Variants in SLC35D1 observed in about 807,000 individuals in gnomAD.
SLC35D1 encodes the protein nucleotide sugar transporter SLC35D1.
A neutral mutation model predicts 46.7 loss-of-function variants in SLC35D1; 31 were observed. The ratio of observed to expected loss-of-function variants is 0.66; its 90% CI spans 0.50 to 0.90. The LOEUF (loss-of-function observed/expected upper bound fraction) is 0.90. Ranked by LOEUF, SLC35D1 falls within the 40% of genes least tolerant of loss-of-function variation. The pLI, the probability that SLC35D1 is intolerant of heterozygous loss-of-function variation, is 0.00. For synonymous variants in SLC35D1, 195 were observed against 164.6 expected (o/e 1.18, Z -1.41); for missense variants, 397 against 426.2 (o/e 0.93, Z 0.60).
the SLC35D1 span, chr1:66,987,512 T>TA: frequency 6.5e-6 from 1 of 152,718 alleles, no homozygotes; most frequent in African/African-American, 2.4e-5. Flanking sequence ...TGTTGAGCTT[T>TA]AAAATGTATT....
At chr1:67,043,551 AAAAC>A (rs2102350191) in intron 7 of SLC35D1, among the ~76,000 whole-genome samples, 1 of 152,260 alleles carries the variant, frequency 6.6e-6, no homozygotes, top group East Asian at 1.9e-4. Context: ...GCTCAAAAAC[AAAAC>A]AAACAAAAAG....
chr1:66,989,840 C>G, the SLC35D1 span, among the ~76,000 whole-genome samples: 1 of 152,208 alleles, frequency 6.6e-6, no homozygotes, highest in East Asian at 1.9e-4. Flanking sequence ...AGGTAGAGAA[C>G]TGCATCAGAA....
At chr1:67,029,728 C>A (rs895712108) in intron 8 of SLC35D1, among the ~76,000 whole-genome samples, 13 of 152,188 alleles carry the variant, frequency 8.5e-5, no homozygotes, top group African/African-American at 3.1e-4. Flanking sequence ...CCTGCTTGTA[C>A]ATGCTACTAA....
the SLC35D1 span, among the ~76,000 whole-genome samples, chr1:66,975,657 T>A: frequency 1.3e-5 from 2 of 152,182 alleles, no homozygotes; most frequent in Admixed American, 1.3e-4. Context: ...CAAAAAGGAA[T>A]TCTGTCAGCA....
chr1:66,991,794 C>CTT, the SLC35D1 span, among the ~76,000 whole-genome samples: 9,458 of 149,208 alleles, frequency 0.063, 933 homozygotes, highest in African/African-American at 0.22. Context: ...ATATTTACAG[C>CTT]TTTTTTTTTT....
downstream of SLC35D1, among the ~76,000 whole-genome samples, chr1:66,995,433 T>TAAAAAAA (rs541234514): frequency 1.7e-4 from 6 of 35,806 alleles, no homozygotes; most frequent in Admixed American, 4.8e-4. Flanking sequence ...CCTGCTACGC[T>TAAAAAAA]AAAAAAAAAA....
chr1:66,985,912 A>G, the SLC35D1 span: 1 of 975,668 alleles, frequency 1.0e-6, no homozygotes, highest in African/African-American at 1.8e-5. Flanking sequence ...TTTGTTTTGC[A>G]TTTGCTATAA....
the SLC35D1 span, chr1:66,988,223 T>C: frequency 1.3e-5 from 2 of 151,766 alleles, no homozygotes; most frequent in African/African-American, 4.8e-5. Flanking sequence ...AGAACAGGAG[T>C]TTCCAAATTT....
downstream of SLC35D1, among the ~76,000 whole-genome samples, chr1:66,994,486 A>C (rs982337816): frequency 3.9e-5 from 6 of 152,102 alleles, no homozygotes; most frequent in Admixed American, 6.6e-5. Flanking sequence ...TCTACTAAAA[A>C]TACAAAAACT....
chr1:67,020,173 C>T (rs190862171), intron 10 of SLC35D1, among the ~76,000 whole-genome samples, 196 bp downstream of exon 10: 5 of 152,188 alleles, frequency 3.3e-5, no homozygotes, highest in African/African-American at 1.2e-4. Context: ...CAGAGCTAAG[C>T]TGCCTCCAAG....
At chr1:66,982,296 A>ATGTAAGGTAACAGTG in the SLC35D1 span, among the ~76,000 whole-genome samples, 31 of 152,346 alleles carry the variant, frequency 2.0e-4, no homozygotes, top group African/African-American at 7.5e-4. Context: ...AAATACCTTG[A>ATGTAAGGTAACAGTG]TGTAAGGTAA....
chr1:66,985,926 T>C, the SLC35D1 span: 1 of 983,852 alleles, frequency 1.0e-6, no homozygotes, highest in South Asian at 4.7e-5. Context: ...GCTATAATTT[T>C]CAAAATTATT....
chr1:67,021,524 C>A lies in SLC35D1; in HGVS notation c.797+11G>T. The A allele has an allele frequency of 6.2e-7, 1 of 1,613,844 alleles. No individual in the cohort carries two copies. The highest frequency in any genetic ancestry group is 8.5e-7 in the Non-Finnish European group (1 of 1,179,792). The stretch of plus-strand genomic sequence containing the variant: ...GGAAAACTATCTGCTAACAAGGTAA[C>A]AAAGGCTTACCCCATCACACAGGAG... On this transcript the variant is annotated intron_variant, in intron 9 of 11. Transcript: ENST00000235345.
chr1:67,052,914 T>C (rs749996450), intron 2 of SLC35D1, 42 bp downstream of exon 2: 1 of 1,614,032 alleles, frequency 6.2e-7, no homozygotes, highest in East Asian at 2.2e-5. Context: ...ACACAGAAGT[T>C]CTAACAACAT....
intron 8 of SLC35D1, among the ~76,000 whole-genome samples, chr1:67,033,071 G>C (rs546622765): frequency 9.4e-4 from 143 of 152,180 alleles, no homozygotes; most frequent in African/African-American, 3.4e-3. Context: ...GCAAATTTCA[G>C]CATCTCCTTT....
At chr1:66,975,298 A>AGTACTTTGGGAGGT in the SLC35D1 span, among the ~76,000 whole-genome samples, 1 of 152,212 alleles carries the variant, frequency 6.6e-6, no homozygotes, top group Non-Finnish European at 1.5e-5. Flanking sequence ...AGGTTGAAGC[A>AGTACTTTGGGAGGT]TGCAGATTGC....
In SLC35D1 at chr1:67,052,974, T is replaced by C. The variant is rs1160361622; in HGVS notation, c.219A>G (p.Leu73=). 1 of 1,613,710 alleles carries C rather than the reference T, an allele frequency of 6.2e-7. No homozygotes were observed. Among genetic ancestry groups the C allele is most frequent in the Non-Finnish European group, 8.5e-7 (1 of 1,179,958 alleles). ...VLTNYRFPSS[L]CVGLGQMVAT... Reference sequence around the variant, plus strand: ...AACTAACCTGGCCAAGTCCAACACATAGTGAGGAGGGAAATCTACAAAAAG... The same window carrying C: ...AACTAACCTGGCCAAGTCCAACACACAGTGAGGAGGGAAATCTACAAAAAG... Residue 73 remains leucine, a synonymous_variant, in exon 2 of 12, where the codon CTA becomes CTG. Transcript: ENST00000235345.
At chr1:66,985,616 CCTTT>C in the SLC35D1 span, 4 of 984,992 alleles carry the variant, frequency 4.1e-6, no homozygotes, top group East Asian at 1.1e-4. Flanking sequence ...ACTGAGCTGT[CCTTT>C]CTTAATACAA....
intron 8 of SLC35D1, among the ~76,000 whole-genome samples, chr1:67,022,139 T>C (rs946858432): frequency 4.6e-5 from 7 of 152,330 alleles, no homozygotes; most frequent in African/African-American, 1.7e-4. Flanking sequence ...TTTTGTGTTG[T>C]TGTTGTTGTC....
Sources: gnomAD v4.1 joint callset for allele counts (sites outside exome capture counted in the v4.1 genomes callset) on GRCh38, gnomAD v4.1.1 for gene constraint, MANE v1.5 for transcripts, NCBI Gene and HGNC (gene_info 2026-07-23, HGNC 2026-07-21) for gene names.